CDH18: variants seen among roughly 807,000 people sequenced by gnomAD.
CDH18 encodes cadherin 18.
CDH18 carries 31 observed loss-of-function variants against 67.9 expected under a neutral mutation model. The observed-to-expected ratio is 0.46, with a 90% confidence interval of 0.34 to 0.62. The LOEUF is 0.62. Ranked by LOEUF, CDH18 falls within the 20% of genes least tolerant of loss-of-function variation. CDH18 has a pLI of 0.01. For missense variants in CDH18, 890 were observed against 975.5 expected (o/e 0.91, Z 1.17); for synonymous variants, 362 against 347.2 (o/e 1.04, Z -0.48).
chr5:20,053,859 A>G (rs2150495266), intron 2 of CDH18, among the ~76,000 whole-genome samples: 1 of 152,204 alleles, frequency 6.6e-6, no homozygotes, highest in African/African-American at 2.4e-5. Flanking sequence ...GGGTAGGGGG[A>G]GAAAATAAGA....
chr5:20,386,137 A>G (rs1744294300), intron 1 of CDH18, among the ~76,000 whole-genome samples: 1 of 152,006 alleles, frequency 6.6e-6, no homozygotes, highest in Admixed American at 6.6e-5. Flanking sequence ...ATTTAATCTC[A>G]TTGGTGACTT....
chr5:20,085,815 G>A (rs1169695268), intron 2 of CDH18, among the ~76,000 whole-genome samples: 2 of 152,056 alleles, frequency 1.3e-5, no homozygotes, highest in African/African-American at 2.4e-5. Context: ...TACCTCCCCA[G>A]GTCCCTCCCA....
chr5:20,512,717 C>G (rs1755118720), intron 1 of CDH18, among the ~76,000 whole-genome samples: 2 of 151,914 alleles, frequency 1.3e-5, no homozygotes, highest in South Asian at 4.2e-4. Flanking sequence ...AACCCCATCT[C>G]TACTAAAAAT....
chr5:20,076,730 C>A (rs1478513103), intron 2 of CDH18, among the ~76,000 whole-genome samples: 1 of 152,022 alleles, frequency 6.6e-6, no homozygotes, highest in Non-Finnish European at 1.5e-5. Context: ...CTTTGTTCTA[C>A]CTTCTGAAAA....
Position 20,166,455 on chromosome 5 carries a change from GA to G in CDH18, c.-518+88988del, listed in dbSNP as rs1202709865. ...ACTCTGTCTCAAAAAAAAAAAAAAAGAAAAGAAAAGAAAAGAAAAAGACAAA... is the reference window on the plus strand; with the variant it reads ...ACTCTGTCTCAAAAAAAAAAAAAAAGAAAGAAAAGAAAAGAAAAAGACAAA... On this transcript the variant is annotated intron_variant, in intron 2 of 14. Coordinates refer to the CDH18 transcript ENST00000507958. 2.6e-4 allele frequency among the ~76,000 whole-genome samples: 34 copies of G among 131,868 alleles called. 1 individual carries two copies. The Middle Eastern group carries it at 0.027, about 105-fold the overall frequency. 86.5% of individuals were successfully genotyped at this position (131,868 alleles called of 152,430 possible).
chr5:20,392,733 T>C (rs1315106499), intron 1 of CDH18, among the ~76,000 whole-genome samples: 1 of 151,878 alleles, frequency 6.6e-6, no homozygotes, highest in Non-Finnish European at 1.5e-5. Context: ...AGTATATAGA[T>C]TGTACTATTT....
chr5:20,187,511 G>A (rs1738194078), intron 2 of CDH18, among the ~76,000 whole-genome samples: 1 of 151,758 alleles, frequency 6.6e-6, no homozygotes, highest in East Asian at 1.9e-4. Flanking sequence ...TTTACAATCT[G>A]TATTTTTTCC....
intron 3 of CDH18, among the ~76,000 whole-genome samples, chr5:19,782,905 TTTGTGTGGCCTAC>T (rs1185907762): frequency 2.0e-5 from 3 of 152,158 alleles, no homozygotes; most frequent in Non-Finnish European, 1.5e-5. Context: ...AGATTTTTAT[TTTGTGTGGCCTAC>T]ACAAAGCAAT....
intron 3 of CDH18, among the ~76,000 whole-genome samples, chr5:19,775,331 C>T (rs540366821): frequency 2.0e-5 from 3 of 152,112 alleles, no homozygotes; most frequent in Non-Finnish European, 4.4e-5. Flanking sequence ...ATACCTGAGA[C>T]GGGGTAATTT....
intron 2 of CDH18, among the ~76,000 whole-genome samples, chr5:20,164,966 A>G (rs1435870751): frequency 6.6e-6 from 1 of 152,170 alleles, no homozygotes; most frequent in Non-Finnish European, 1.5e-5. Context: ...TGAGCGGATA[A>G]AAGAAAATGG....
chr5:19,936,900 TATAG>T (rs1794338199), intron 2 of CDH18, among the ~76,000 whole-genome samples: 1 of 151,154 alleles, frequency 6.6e-6, no homozygotes, highest in Non-Finnish European at 1.5e-5. Context: ...ATATTATACA[TATAG>T]ATACAGATAC....
intron 1 of CDH18, among the ~76,000 whole-genome samples, chr5:20,362,665 G>A (rs943614412): frequency 6.6e-6 from 1 of 152,106 alleles, no homozygotes; most frequent in African/African-American, 2.4e-5. Flanking sequence ...AACTGTCTAG[G>A]GAGAGTCATG....
At chr5:19,685,087 C>T (rs953590839) in intron 5 of CDH18, among the ~76,000 whole-genome samples, 6 of 152,160 alleles carry the variant, frequency 3.9e-5, no homozygotes, top group Admixed American at 6.6e-5. Flanking sequence ...GAATCTTGCA[C>T]TTTAACCTAC....
At chr5:19,645,268 T>C (rs190027092) in intron 5 of CDH18, among the ~76,000 whole-genome samples, 2 of 152,292 alleles carry the variant, frequency 1.3e-5, no homozygotes, top group East Asian at 3.9e-4. Context: ...TAAAAGGTAG[T>C]ATTTATCAGA....
chr5:19,822,070 C>T (rs1779931750), intron 3 of CDH18, among the ~76,000 whole-genome samples: 1 of 152,108 alleles, frequency 6.6e-6, no homozygotes, highest in Non-Finnish European at 1.5e-5. Flanking sequence ...ACAATATAAA[C>T]AGCTAACAAC....
At chr5:19,562,333 T>C (rs1163038616) in intron 8 of CDH18, among the ~76,000 whole-genome samples, 1 of 152,176 alleles carries the variant, frequency 6.6e-6, no homozygotes, top group African/African-American at 2.4e-5. Context: ...AAAGGCCTTA[T>C]CATTATTTTA....
chr5:20,387,200 G>A (rs1398919711), intron 1 of CDH18, among the ~76,000 whole-genome samples: 1 of 152,174 alleles, frequency 6.6e-6, no homozygotes, highest in Non-Finnish European at 1.5e-5. Context: ...TCCTACCCAT[G>A]AGCATGGAAT....
chr5:19,886,432 G>T (rs1788210198), intron 2 of CDH18, among the ~76,000 whole-genome samples: 1 of 152,124 alleles, frequency 6.6e-6, no homozygotes. Flanking sequence ...ACAGAGACAA[G>T]AGGCAATTAT....
intron 1 of CDH18, among the ~76,000 whole-genome samples, chr5:20,411,285 G>T (rs1419933968): frequency 6.6e-6 from 1 of 151,990 alleles, no homozygotes; most frequent in Non-Finnish European, 1.5e-5. Context: ...TGATAGCTCA[G>T]AAACAAATTC....
Sources: gnomAD v4.1 joint callset for allele counts (sites outside exome capture counted in the v4.1 genomes callset) on GRCh38, gnomAD v4.1.1 for gene constraint, MANE v1.5 for transcripts, NCBI Gene and HGNC (gene_info 2026-07-23, HGNC 2026-07-21) for gene names.